Variants in ZFPM2 observed in about 807,000 individuals in gnomAD.
ZFPM2 encodes the protein zinc finger protein, FOG family member 2, also known as zinc finger protein ZFPM2.
Under a neutral mutation model 98.6 loss-of-function variants are expected in ZFPM2, and 20 were observed. The ratio of observed to expected loss-of-function variants is 0.20; its 90% CI spans 0.14 to 0.29. The LOEUF (loss-of-function observed/expected upper bound fraction) is 0.29. Among genes scored for constraint, ZFPM2 ranks in the 10% least tolerant of loss-of-function variants. The pLI is 1.00. For synonymous variants in ZFPM2, 518 were observed against 502.7 expected, an observed-to-expected ratio of 1.03 and a Z score of -0.41; for missense variants, 1,310 against 1,388.6, an observed-to-expected ratio of 0.94 and a Z score of 0.90.
intron 4 of ZFPM2, among the ~76,000 whole-genome samples, chr8:105,607,948 C>T (rs537017499): frequency 2.0e-5 from 3 of 152,058 alleles, no homozygotes; most frequent in Non-Finnish European, 4.4e-5. Context: ...GTGTAAATGC[C>T]CATCAGTGAC....
intron 4 of ZFPM2, among the ~76,000 whole-genome samples, chr8:105,625,445 A>G (rs1327656172): frequency 6.6e-6 from 1 of 152,122 alleles, no homozygotes; most frequent in East Asian, 1.9e-4. Context: ...GGACATCCCA[A>G]TTTAATTCAG....
chr8:105,359,238 C>T (rs1812807665), intron 1 of ZFPM2, among the ~76,000 whole-genome samples: 2 of 152,274 alleles, frequency 1.3e-5, no homozygotes, highest in East Asian at 1.9e-4. Context: ...ATGCCTGCTT[C>T]CCCTTCTGCA....
At chr8:105,327,760 C>A (rs1006902445) in intron 1 of ZFPM2, among the ~76,000 whole-genome samples, 1 of 151,738 alleles carries the variant, frequency 6.6e-6, no homozygotes, top group African/African-American at 2.4e-5. Context: ...TTATAATTCA[C>A]TGACAAAATC....
chr8:105,802,531 A>T lies in ZFPM2; in HGVS notation c.2449A>T (p.Thr817Ser), dbSNP rs1409176646. The change falls in exon 8 of 8, where the codon ACT (threonine) becomes TCT (serine). Residue 817 changes from threonine (T) to serine (S), a missense_variant. Physicochemically the swap from Thr to Ser is moderately conservative, Grantham distance 58. Coordinates refer to ENST00000407775, the MANE Select transcript of ZFPM2 (RefSeq NM_012082.4). ...TGTTCCAGTTTCCAAATGTGATACTACTCATTCCAGTGTTTCCTGCCTAGA... is the reference window on the plus strand; with the variant it reads ...TGTTCCAGTTTCCAAATGTGATACTTCTCATTCCAGTGTTTCCTGCCTAGA... ...KCVPVSKCDT[T>S]HSSVSCLEMD... The T allele has an allele frequency of 1.2e-6, 2 of 1,611,732 alleles. No individual in the cohort carries two copies. The highest frequency in any genetic ancestry group is 2.2e-5 in the East Asian group (1 of 44,796).
intron 3 of ZFPM2, among the ~76,000 whole-genome samples, chr8:105,468,958 A>T (rs1286784775): frequency 3.3e-5 from 5 of 149,638 alleles, no homozygotes. Flanking sequence ...TGCTGAATAC[A>T]AAGCAGTTTT....
chr8:105,449,106 G>C (rs1236895154), intron 3 of ZFPM2, among the ~76,000 whole-genome samples: 6 of 151,946 alleles, frequency 3.9e-5, no homozygotes, highest in Non-Finnish European at 8.8e-5. Context: ...TCAACTTTCA[G>C]TATGCTAATT....
At chr8:105,363,360 A>G (rs2129772804) in intron 1 of ZFPM2, among the ~76,000 whole-genome samples, 1 of 152,264 alleles carries the variant, frequency 6.6e-6, no homozygotes, top group Non-Finnish European at 1.5e-5. Flanking sequence ...TGTGACTCTA[A>G]GGTGAAAGCA....
chr8:105,379,753 CAAAA>C (rs5893740), intron 1 of ZFPM2, among the ~76,000 whole-genome samples: 8 of 125,686 alleles, frequency 6.4e-5, no homozygotes, highest in Non-Finnish European at 5.0e-5. Context: ...AACTCTGTCT[CAAAA>C]AAAAAAAAAA....
chr8:105,606,694 T>C (rs1354040456), intron 4 of ZFPM2, among the ~76,000 whole-genome samples: 1 of 152,094 alleles, frequency 6.6e-6, no homozygotes, highest in Non-Finnish European at 1.5e-5. Flanking sequence ...GAAAATTATA[T>C]GTCATCTCCT....
At chr8:105,658,943 G>A (rs1231048605) in intron 5 of ZFPM2, among the ~76,000 whole-genome samples, 1 of 152,090 alleles carries the variant, frequency 6.6e-6, no homozygotes, top group Non-Finnish European at 1.5e-5. Context: ...CAAATGAATG[G>A]CCAAGAGGTA....
intron 4 of ZFPM2, among the ~76,000 whole-genome samples, chr8:105,610,449 T>C (rs1275750586): frequency 6.6e-6 from 1 of 152,144 alleles, no homozygotes; most frequent in Non-Finnish European, 1.5e-5. Flanking sequence ...TCAACATCTT[T>C]ACCTTTAACT....
intron 5 of ZFPM2, among the ~76,000 whole-genome samples, chr8:105,723,197 T>G (rs1811711969): frequency 6.6e-6 from 1 of 151,908 alleles, no homozygotes; most frequent in Non-Finnish European, 1.5e-5. Context: ...ATGATATTCT[T>G]GATTGGCTCT....
chr8:105,358,358 T>A (rs1812789435), intron 1 of ZFPM2: 2 of 152,080 alleles, frequency 1.3e-5, no homozygotes, highest in South Asian at 4.2e-4. Context: ...TTATTTTTAA[T>A]GCATATTTCT....
rs138715395 is a variant in ZFPM2 at position 105,456,149 on chromosome 8, TTTTTTTGTTTGTTTGTTTG to T, written c.301+11775_301+11793del. Reference sequence around the variant, plus strand: ...AGATGGGGAAAACCAGGAAAATGTTTTTTTTTGTTTGTTTGTTTGTTTTTTTTTTAAGAAGGAAGGGGCT... The same window carrying T: ...AGATGGGGAAAACCAGGAAAATGTTTTTTTTTTTTTAAGAAGGAAGGGGCT... On this transcript the variant is annotated intron_variant, in intron 3 of 7. Transcript: ENST00000407775. Among the ~76,000 whole-genome samples the T allele has an allele frequency of 1.0e-3, 114 of 113,418 alleles. 7 individuals are homozygous for T. In the East Asian group the frequency reaches 0.032, roughly 32 times the overall value. 74.4% of individuals were successfully genotyped at this position (113,418 alleles called of 152,430 possible).
intron 5 of ZFPM2, among the ~76,000 whole-genome samples, chr8:105,653,922 G>C (rs2130874055): frequency 1.0e-5 from 1 of 97,094 alleles, no homozygotes; most frequent in Non-Finnish European, 1.9e-5. Flanking sequence ...TGGGATTATA[G>C]AAAAGAAAAG....
At chr8:105,330,591 TATAC>T (rs1414881616) in intron 1 of ZFPM2, among the ~76,000 whole-genome samples, 481 of 33,898 alleles carry the variant, frequency 0.014, 17 homozygotes, top group African/African-American at 0.078. Context: ...CATATATATA[TATAC>T]ATATATATAT....
At chr8:105,486,687 A>G (rs1226105509) in intron 3 of ZFPM2, among the ~76,000 whole-genome samples, 1 of 152,202 alleles carries the variant, frequency 6.6e-6, no homozygotes, top group Non-Finnish European at 1.5e-5. Context: ...CTAGCAATCT[A>G]GAGAAATTTC....
intron 1 of ZFPM2, among the ~76,000 whole-genome samples, chr8:105,406,156 A>T: frequency 6.6e-6 from 1 of 151,906 alleles, no homozygotes; most frequent in Admixed American, 6.6e-5. Context: ...GTTTGAGTTC[A>T]TTGTAGATTC....
At chr8:105,580,092 G>A (rs1469513549) in intron 4 of ZFPM2, among the ~76,000 whole-genome samples, 1 of 152,066 alleles carries the variant, frequency 6.6e-6, no homozygotes, top group African/African-American at 2.4e-5. Context: ...TATCCTTCCC[G>A]AAAGATTAGT....
Sources: allele counts gnomAD v4.1 joint callset (sites outside exome capture counted in the v4.1 genomes callset), GRCh38; gene constraint gnomAD v4.1.1; transcripts MANE v1.5; gene names NCBI Gene and HGNC (gene_info 2026-07-23, HGNC 2026-07-21).